Variants in DSE observed in about 807,000 individuals in gnomAD.
DSE encodes the protein dermatan-sulfate epimerase.
Under a neutral mutation model 84.4 loss-of-function variants are expected in DSE, and 36 were observed. That is an observed-to-expected ratio of 0.43 (90% CI 0.33 to 0.56). The LOEUF (loss-of-function observed/expected upper bound fraction) is 0.56, where lower values mean the gene tolerates loss of function less well. Among genes scored for constraint, DSE ranks in the 20% least tolerant of loss-of-function variants. The pLI is 0.06. For missense variants in DSE, 862 were observed against 1,169.6 expected (o/e 0.74, Z 3.84); for synonymous variants, 410 against 430.1 (o/e 0.95, Z 0.58).
intron 2 of DSE, among the ~76,000 whole-genome samples, chr6:116,263,398 C>T (rs1772494257): frequency 6.6e-6 from 1 of 151,430 alleles, no homozygotes; most frequent in South Asian, 2.1e-4. Flanking sequence ...GGTTTAAAGC[C>T]TATTTTGTCA....
intron 2 of DSE, among the ~76,000 whole-genome samples, chr6:116,292,304 G>A: frequency 6.6e-6 from 1 of 152,120 alleles, no homozygotes; most frequent in Non-Finnish European, 1.5e-5. Flanking sequence ...GTTTCAGTAT[G>A]CAAGGGAAGA....
Position 116,353,500 on chromosome 6 carries a change from C to T in DSE, c.-53-45698C>T, listed in dbSNP as rs181854363. On this transcript the variant is annotated intron_variant, in intron 2 of 3. Coordinates refer to the DSE transcript ENST00000430252. ...TTCTCAGTAAGGTTCTTTAAATAAA[C>T]TTTGTTTCAATCATAATAATACTAG... Among the ~76,000 whole-genome samples, 246 of 152,168 alleles carry T rather than the reference C, an allele frequency of 1.6e-3. 3 individuals carry two copies. Among genetic ancestry groups the T allele is most frequent in the African/African-American group, 5.2e-3 (215 of 41,514 alleles).
chr6:116,338,219 CTTTT>C (rs893312210), intron 2 of DSE, among the ~76,000 whole-genome samples: 2 of 91,192 alleles, frequency 2.2e-5, no homozygotes, highest in Non-Finnish European at 4.0e-5. Context: ...TTTCTTCTTT[CTTTT>C]TTTTTTTTTT....
At chr6:116,347,756 A>G (rs892347392) in intron 2 of DSE, among the ~76,000 whole-genome samples, 1 of 152,136 alleles carries the variant, frequency 6.6e-6, no homozygotes, top group Non-Finnish European at 1.5e-5. Context: ...TGACTAAAAC[A>G]TCAAAAGCAA....
At chr6:116,421,077 A>G (rs1415801904) in intron 2 of DSE, among the ~76,000 whole-genome samples, 1 of 152,198 alleles carries the variant, frequency 6.6e-6, no homozygotes, top group African/African-American at 2.4e-5. Context: ...AACTTAATTC[A>G]TAGACACAGC....
chr6:116,427,834 A>C (rs530891659), intron 3 of DSE, among the ~76,000 whole-genome samples: 1 of 152,322 alleles, frequency 6.6e-6, no homozygotes, highest in East Asian at 1.9e-4. Flanking sequence ...AAATTTAATT[A>C]TGAGAGTGAA....
intron 2 of DSE, among the ~76,000 whole-genome samples, chr6:116,414,195 A>G (rs1008993323): frequency 4.6e-5 from 7 of 152,156 alleles, no homozygotes; most frequent in African/African-American, 1.4e-4. Flanking sequence ...TGAAATCAAG[A>G]TATCAATAGG....
At chr6:116,295,950 T>C (rs1164584200) in intron 2 of DSE, among the ~76,000 whole-genome samples, 1 of 152,228 alleles carries the variant, frequency 6.6e-6, no homozygotes, top group Non-Finnish European at 1.5e-5. Context: ...TGGAATTATA[T>C]TTACAATATG....
chr6:116,326,046 A>C (rs1776601142), intron 2 of DSE, among the ~76,000 whole-genome samples: 1 of 152,238 alleles, frequency 6.6e-6, no homozygotes, highest in South Asian at 2.1e-4. Context: ...TAATCTATAG[A>C]TAACATAACC....
intron 2 of DSE, among the ~76,000 whole-genome samples, chr6:116,403,653 T>TTTGG (rs761918021): frequency 5.2e-4 from 79 of 151,436 alleles, no homozygotes; most frequent in Non-Finnish European, 6.5e-4. Context: ...CACTGAGGGG[T>TTTGG]TTGGTTGGTT....
intron 2 of DSE, among the ~76,000 whole-genome samples, chr6:116,316,788 C>CT (rs1349512912): frequency 6.7e-5 from 10 of 150,136 alleles, no homozygotes; most frequent in African/African-American, 2.5e-4. Flanking sequence ...GCTTCTTCTT[C>CT]TTTTTGCTTA....
At chr6:116,407,896 G>T (rs1017884173) in intron 2 of DSE, among the ~76,000 whole-genome samples, 9 of 152,126 alleles carry the variant, frequency 5.9e-5, no homozygotes, top group African/African-American at 2.2e-4. Context: ...CTTCCCAGTG[G>T]TCCAGTTGGA....
intron 2 of DSE, among the ~76,000 whole-genome samples, chr6:116,409,443 A>G (rs556697417): frequency 6.6e-6 from 1 of 152,000 alleles, no homozygotes; most frequent in Non-Finnish European, 1.5e-5. Context: ...ACGCCTGGCT[A>G]ATTTTTTGTA....
Position 116,259,018 on chromosome 6 carries a change from A to G in DSE, c.-54+51A>G, listed in dbSNP as rs1582901608. 5 of 1,497,696 alleles carry G rather than the reference A, an allele frequency of 3.3e-6. No homozygotes were observed. In the East Asian group the frequency reaches 1.1e-4, roughly 34 times the overall value. 92.8% of individuals were successfully genotyped at this position (1,497,696 alleles called of 1,614,324 possible). A position where few individuals can be genotyped will look rare whatever the true frequency, so the allele number is the denominator to read the frequency against. On this transcript the variant is annotated intron_variant, in intron 2 of 3. Transcript: ENST00000430252. ...CACTGCAATGTAATCCTGCAGGGAA[A>G]TGTCACTGATGTGCACATCATCAGT... is the stretch of plus-strand genomic sequence containing the variant.
intron 2 of DSE, among the ~76,000 whole-genome samples, chr6:116,338,098 T>C (rs535890228): frequency 6.6e-6 from 1 of 152,236 alleles, no homozygotes; most frequent in African/African-American, 2.4e-5. Flanking sequence ...AGCTTTGTTA[T>C]TCTTCATGTC....
At chr6:116,357,039 A>T (rs914438994) in intron 2 of DSE, among the ~76,000 whole-genome samples, 1 of 152,182 alleles carries the variant, frequency 6.6e-6, no homozygotes, top group African/African-American at 2.4e-5. Flanking sequence ...TCTTTGCAAA[A>T]TATGGTTCCA....
chr6:116,412,464 G>C (rs747384570), intron 2 of DSE: 1 of 152,262 alleles, frequency 6.6e-6, no homozygotes, highest in Non-Finnish European at 1.5e-5. Flanking sequence ...CCTCTGCTGG[G>C]AAGTGCCTGG....
At position 116,439,414 on chromosome 6, in the gene DSE, T is replaced by C. The variant is rs948649881; in HGVS notation, c.*2069T>C. 2 of 141,052 alleles carry C rather than the reference T, an allele frequency of 1.4e-5. No individual in the cohort carries two copies. Among genetic ancestry groups the C allele is most frequent in the African/African-American group, 5.1e-5 (2 of 39,128 alleles). The allele number at this position is 141,052 out of a possible 1,614,324, so 8.7% of individuals were successfully genotyped here. A position where few individuals can be genotyped will look rare whatever the true frequency, so the allele number is the denominator to read the frequency against. ...TAAAATACGCATCTTTAAAACAAAATGAATTAAAATTATGTGTTTTTTTTT... is the reference window on the plus strand; with the variant it reads ...TAAAATACGCATCTTTAAAACAAAACGAATTAAAATTATGTGTTTTTTTTT... On this transcript the variant is annotated 3_prime_UTR_variant, in exon 6 of 6. Coordinates refer to ENST00000644252, the MANE Select transcript of DSE (RefSeq NM_013352.4).
intron 2 of DSE, among the ~76,000 whole-genome samples, chr6:116,346,195 G>C (rs1777955034): frequency 6.6e-6 from 1 of 152,208 alleles, no homozygotes; most frequent in Non-Finnish European, 1.5e-5. Context: ...GAGGTACAAG[G>C]AGGAGCTGGT....
Sources: gnomAD v4.1 joint callset for allele counts (sites outside exome capture counted in the v4.1 genomes callset) on GRCh38, gnomAD v4.1.1 for gene constraint, MANE v1.5 for transcripts, NCBI Gene and HGNC (gene_info 2026-07-23, HGNC 2026-07-21) for gene names.